XKR4: variants seen among roughly 807,000 people sequenced by gnomAD.
The protein encoded by XKR4 is XK-related protein 4.
Under a neutral mutation model 53.9 loss-of-function variants are expected in XKR4, and 12 were observed. The observed-to-expected ratio is 0.22, with a 90% CI of 0.14 to 0.36. The LOEUF is 0.36. XKR4 is among the 10% of genes least tolerant of loss of function. The probability of loss-of-function intolerance (pLI) is 1.00; values close to 1 mark genes in which losing one functional copy is unlikely to be tolerated. For synonymous variants in XKR4, 354 were observed against 362.4 expected (o/e 0.98, Z 0.26); for missense variants, 799 against 859.5 (o/e 0.93, Z 0.88).
At chr8:55,437,329 C>A (rs1275534115) in intron 2 of XKR4, among the ~76,000 whole-genome samples, 1 of 152,110 alleles carries the variant, frequency 6.6e-6, no homozygotes, top group Non-Finnish European at 1.5e-5. Context: ...CTGTGCCTGG[C>A]CTCAATTTTC....
chr8:55,530,600 A>G lies in XKR4; in HGVS notation c.*6373A>G, dbSNP rs1188113459. ...AAAGGTAGCTGATAATAAACCAAAA[A>G]TTTTCTCAACCCTGGTGTTTATTTT... On this transcript the variant is annotated 3_prime_UTR_variant, in exon 3 of 3. Coordinates refer to ENST00000327381, the MANE Select transcript of XKR4 (RefSeq NM_052898.2). The G allele has an allele frequency of 6.6e-6, 1 of 152,130 alleles. No homozygotes were observed. Among genetic ancestry groups the G allele is most frequent in the Admixed American group, 6.6e-5 (1 of 15,262 alleles). 9.4% of individuals were successfully genotyped at this position (152,130 alleles called of 1,614,324 possible).
intron 2 of XKR4, among the ~76,000 whole-genome samples, chr8:55,491,936 G>T (rs1426328954): frequency 2.0e-5 from 3 of 152,182 alleles, no homozygotes; most frequent in Non-Finnish European, 4.4e-5. Flanking sequence ...AACTCAAGAG[G>T]ATGCCGATGC....
rs1806086993 is a variant in XKR4 at position 55,480,656 on chromosome 8, T to G, written c.1007-42625T>G. Among the ~76,000 whole-genome samples, 3 of 151,758 alleles carry G rather than the reference T, an allele frequency of 2.0e-5. 1 individual carries two copies. In the South Asian group the frequency reaches 6.3e-4, roughly 32 times the overall value. ...ATGATTGTATATTTAGAAAACCCCATCGTCTCAGCCCAAAATCTCCTTAAG... is the reference window on the plus strand; with the variant it reads ...ATGATTGTATATTTAGAAAACCCCAGCGTCTCAGCCCAAAATCTCCTTAAG... On this transcript the variant is annotated intron_variant, in intron 2 of 2. Transcript: ENST00000327381.
chr8:55,346,925 A>G (rs1453419332), intron 1 of XKR4, among the ~76,000 whole-genome samples: 1 of 152,218 alleles, frequency 6.6e-6, no homozygotes, highest in Non-Finnish European at 1.5e-5. Flanking sequence ...ATATATTTGC[A>G]TAGTATCATC....
At chr8:55,264,605 A>AATTTCC (rs1248681391) in intron 1 of XKR4, among the ~76,000 whole-genome samples, 1 of 152,236 alleles carries the variant, frequency 6.6e-6, no homozygotes, top group Non-Finnish European at 1.5e-5. Context: ...TGAAACTATG[A>AATTTCC]ATTTCCATGA....
chr8:55,289,523 A>G (rs1818951648), intron 1 of XKR4, among the ~76,000 whole-genome samples: 2 of 131,532 alleles, frequency 1.5e-5, no homozygotes, highest in South Asian at 2.4e-4. Context: ...TCAAAAAAAA[A>G]AAAAGAAAAG....
intron 2 of XKR4, chr8:55,452,732 G>A: frequency 1.1e-6 from 1 of 949,492 alleles, no homozygotes; most frequent in Non-Finnish European, 1.7e-6. Flanking sequence ...CTACATTGCA[G>A]GTCTCTCTGT....
intron 1 of XKR4, among the ~76,000 whole-genome samples, chr8:55,169,544 T>C (rs1057025480): frequency 6.6e-6 from 1 of 152,226 alleles, no homozygotes; most frequent in South Asian, 2.1e-4. Context: ...CAGCATCTTA[T>C]CCTGGATTAT....
chr8:55,204,801 C>G (rs1280843485), intron 1 of XKR4, among the ~76,000 whole-genome samples: 1 of 152,126 alleles, frequency 6.6e-6, no homozygotes, highest in Admixed American at 6.5e-5. Context: ...ATTTTCTATA[C>G]TTTTTTTAGT....
chr8:55,446,321 C>T lies in XKR4; in HGVS notation c.1007-76960C>T, dbSNP rs117488223. 4.6e-3 allele frequency among the ~76,000 whole-genome samples: 693 copies of T among 152,100 alleles called. 3 individuals are homozygous for T. The highest frequency in any genetic ancestry group is 7.0e-3 in the Non-Finnish European group (476 of 67,978). ...CTGCCAGGGTTTTGGCGCTGGGAGA[C>T]GAATCAAAAACTTTAACTGACTGAT... On this transcript the variant is annotated intron_variant, in intron 2 of 2. Coordinates refer to ENST00000327381, the MANE Select transcript of XKR4 (RefSeq NM_052898.2).
intron 1 of XKR4, among the ~76,000 whole-genome samples, chr8:55,118,056 T>A (rs903167552): frequency 2.6e-5 from 4 of 152,204 alleles, no homozygotes; most frequent in Non-Finnish European, 5.9e-5. Context: ...ATTCTTTTTA[T>A]ATACCTTATT....
At chr8:55,234,621 A>G (rs1818093299) in intron 1 of XKR4, among the ~76,000 whole-genome samples, 1 of 152,232 alleles carries the variant, frequency 6.6e-6, no homozygotes, top group South Asian at 2.1e-4. Flanking sequence ...ATATATCAGT[A>G]GGAACACTGG....
At chr8:55,334,060 A>G (rs553803960) in intron 1 of XKR4, among the ~76,000 whole-genome samples, 1 of 152,282 alleles carries the variant, frequency 6.6e-6, no homozygotes, top group African/African-American at 2.4e-5. Flanking sequence ...CATGTTTCTG[A>G]CATCACTATA....
At chr8:55,214,620 C>G (rs566594159) in intron 1 of XKR4, among the ~76,000 whole-genome samples, 2 of 152,276 alleles carry the variant, frequency 1.3e-5, no homozygotes, top group African/African-American at 4.8e-5. Flanking sequence ...AGGAAAGCCC[C>G]TCAATCTCAT....
chr8:55,436,218 A>G (rs1805176006), intron 2 of XKR4, among the ~76,000 whole-genome samples: 1 of 152,316 alleles, frequency 6.6e-6, no homozygotes, highest in South Asian at 2.1e-4. Context: ...CTCGATTCCC[A>G]CAAATGCCTA....
chr8:55,453,590 A>G (rs896686247), intron 2 of XKR4: 1 of 396,050 alleles, frequency 2.5e-6, no homozygotes, highest in African/African-American at 2.1e-5. Flanking sequence ...CCCAGCCTTC[A>G]TGGCTAGGGG....
At chr8:55,206,989 G>A (rs1817659707) in intron 1 of XKR4, among the ~76,000 whole-genome samples, 1 of 152,222 alleles carries the variant, frequency 6.6e-6, no homozygotes, top group Non-Finnish European at 1.5e-5. Flanking sequence ...CTTAATCAGG[G>A]AGAATCCAGC....
At chr8:55,248,645 T>C (rs4416804) in intron 1 of XKR4, among the ~76,000 whole-genome samples, 35,768 of 152,254 alleles carry the variant, frequency 0.23, 4,685 homozygotes, top group East Asian at 0.49. Flanking sequence ...ACTTTTTTTT[T>C]GCATGTTTCA....
At chr8:55,242,162 C>T (rs1465632489) in intron 1 of XKR4, among the ~76,000 whole-genome samples, 3 of 152,164 alleles carry the variant, frequency 2.0e-5, no homozygotes, top group African/African-American at 7.2e-5. Context: ...AACTTAATCA[C>T]ATCTGAATCT....
Sources: gnomAD v4.1 joint callset for allele counts (sites outside exome capture counted in the v4.1 genomes callset) on GRCh38, gnomAD v4.1.1 for gene constraint, MANE v1.5 for transcripts, NCBI Gene and HGNC (gene_info 2026-07-23, HGNC 2026-07-21) for gene names.